The following SLIT3 variants were observed in gnomAD, a reference collection of about 807,000 sequenced individuals.
The protein encoded by SLIT3 is slit guidance ligand 3.
SLIT3 carries 68 observed loss-of-function variants against 184.0 expected under a neutral mutation model. The observed-to-expected ratio is 0.37, with a 90% CI of 0.30 to 0.45. The LOEUF (loss-of-function observed/expected upper bound fraction) is 0.45. Among genes scored for constraint, SLIT3 ranks in the 20% least tolerant of loss-of-function variants. The probability of loss-of-function intolerance (pLI) is 1.00; values close to 1 mark genes in which losing one functional copy is unlikely to be tolerated. For synonymous variants in SLIT3, 831 were observed against 828.6 expected (o/e 1.00, Z -0.05); for missense variants, 1,707 against 2,026.0 (o/e 0.84, Z 3.02).
chr5:168,783,684 C>A (rs376443987), intron 12 of SLIT3, among the ~76,000 whole-genome samples: 13 of 152,152 alleles, frequency 8.5e-5, no homozygotes, highest in African/African-American at 2.9e-4. Flanking sequence ...TCAGTGTCTC[C>A]AGTCTAACAG....
At chr5:169,003,904 G>A (rs1424327066) in intron 4 of SLIT3, among the ~76,000 whole-genome samples, 1 of 152,100 alleles carries the variant, frequency 6.6e-6, no homozygotes, top group Non-Finnish European at 1.5e-5. Context: ...GGGGATGTGG[G>A]GATTTATCAG....
chr5:169,214,798 A>G (rs1764383306), intron 3 of SLIT3, among the ~76,000 whole-genome samples: 1 of 152,178 alleles, frequency 6.6e-6, no homozygotes, highest in South Asian at 2.1e-4. Context: ...ATCTCAGAGA[A>G]TAGCTCTGAG....
At chr5:169,015,980 AC>A (rs1756359218) in intron 4 of SLIT3, among the ~76,000 whole-genome samples, 1 of 91,988 alleles carries the variant, frequency 1.1e-5, no homozygotes, top group Admixed American at 1.3e-4. Context: ...ACACACACAC[AC>A]ACACAACTTT....
rs553185695 is a variant in SLIT3, at chr5:169,161,240, G to A, written c.413+32239C>T. ...GCAGGGTCCCAGGGGATTTGTGGTC[G>A]GCCGCTAATTCAGAGCCCTGGCCAT... On this transcript the variant is annotated intron_variant, in intron 4 of 35. Transcript: ENST00000519560. Among the ~76,000 whole-genome samples the A allele has an allele frequency of 2.9e-3, 436 of 152,270 alleles. 1 individual carries two copies. Among genetic ancestry groups the A allele is most frequent in the African/African-American group, 9.9e-3 (411 of 41,552 alleles).
intron 4 of SLIT3, among the ~76,000 whole-genome samples, chr5:169,050,853 C>T (rs1456746194): frequency 6.6e-6 from 1 of 152,208 alleles, no homozygotes; most frequent in Non-Finnish European, 1.5e-5. Context: ...GTACCTGGCA[C>T]ACAATAGGCA....
At chr5:169,056,026 G>A (rs1757990692) in intron 4 of SLIT3, among the ~76,000 whole-genome samples, 1 of 152,144 alleles carries the variant, frequency 6.6e-6, no homozygotes, top group Non-Finnish European at 1.5e-5. Context: ...ACCCTGGCTT[G>A]TCCTTGAATA....
chr5:169,158,255 A>G (rs1364691908), intron 4 of SLIT3, among the ~76,000 whole-genome samples: 3 of 152,204 alleles, frequency 2.0e-5, no homozygotes, highest in Non-Finnish European at 4.4e-5. Flanking sequence ...CCTACAGGGG[A>G]AAAAGAATTC....
intron 4 of SLIT3, among the ~76,000 whole-genome samples, chr5:169,162,471 C>T (rs1196775413): frequency 1.3e-5 from 2 of 152,210 alleles, no homozygotes; most frequent in African/African-American, 4.8e-5. Flanking sequence ...AACACACAGT[C>T]ATGCAGGTCT....
At chr5:168,871,143 G>C (rs533504042) in intron 5 of SLIT3, among the ~76,000 whole-genome samples, 1 of 152,150 alleles carries the variant, frequency 6.6e-6, no homozygotes, top group Non-Finnish European at 1.5e-5. Flanking sequence ...TTCCAGGATC[G>C]GGGTTGTCCT....
chr5:169,179,662 G>C (rs1763093028), intron 4 of SLIT3, among the ~76,000 whole-genome samples: 1 of 151,552 alleles, frequency 6.6e-6, no homozygotes, highest in Admixed American at 6.6e-5. Context: ...TCATTTGTGT[G>C]TGCTTGTGTG....
At chr5:168,711,584 A>G (rs558172604) in intron 24 of SLIT3, among the ~76,000 whole-genome samples, 2 of 152,272 alleles carry the variant, frequency 1.3e-5, no homozygotes, top group East Asian at 1.9e-4. Flanking sequence ...TAGAATATGC[A>G]TACGTAGTAT....
intron 27 of SLIT3, among the ~76,000 whole-genome samples, chr5:168,699,265 G>A (rs371016918): frequency 6.0e-4 from 92 of 152,346 alleles, no homozygotes; most frequent in African/African-American, 2.0e-3. Context: ...GAAGAGAACC[G>A]GGAGCCTGGA....
In SLIT3 at chr5:169,078,590, T is replaced by TCCC. The variant is rs568732646; in HGVS notation, c.413+114886_413+114888dup. Among the ~76,000 whole-genome samples, 410 of 152,308 alleles carry TCCC rather than the reference T, an allele frequency of 2.7e-3. 2 individuals are homozygous for TCCC. Among genetic ancestry groups the TCCC allele is most frequent in the African/African-American group, 9.6e-3 (399 of 41,562 alleles). ...GTTTTCCTTGTTACTCTCCAGCTTC[T>TCCC]CCCTCCTATCACCTTCCTTTCTTTA... is the stretch of plus-strand genomic sequence containing the variant. On this transcript the variant is annotated intron_variant, in intron 4 of 35. Coordinates refer to ENST00000519560, the MANE Select transcript of SLIT3 (RefSeq NM_003062.4).
chr5:169,104,984 A>T (rs1423223798), intron 4 of SLIT3, among the ~76,000 whole-genome samples: 1 of 152,160 alleles, frequency 6.6e-6, no homozygotes, highest in Non-Finnish European at 1.5e-5. Flanking sequence ...GTCTCAGAAA[A>T]GCCTCAAGTA....
At chr5:169,102,655 G>C (rs1760063174) in intron 4 of SLIT3, among the ~76,000 whole-genome samples, 1 of 152,160 alleles carries the variant, frequency 6.6e-6, no homozygotes, top group Non-Finnish European at 1.5e-5. Flanking sequence ...GAGGACAAGT[G>C]TGTGTGTGTT....
intron 1 of SLIT3, among the ~76,000 whole-genome samples, chr5:169,272,241 G>C (rs1281529978): frequency 6.6e-6 from 1 of 152,220 alleles, no homozygotes; most frequent in East Asian, 1.9e-4. Flanking sequence ...CCTCCACCCT[G>C]ACCCACAATC....
rs573420904 is a variant in SLIT3 at position 169,148,351 on chromosome 5, G to A, written c.413+45128C>T. Among the ~76,000 whole-genome samples, 8 of 152,280 alleles carry A rather than the reference G, an allele frequency of 5.3e-5. No individual in the cohort carries two copies. In the South Asian group the frequency reaches 6.2e-4, roughly 12 times the overall value. ...TGCTCAGAGCTCTTTTTAAAAGGCC[G>A]AAGAGGAAATAAAAATGAATGATGA... On this transcript the variant is annotated intron_variant, in intron 4 of 35. Transcript: ENST00000519560.
rs540798702 is a variant in SLIT3, at chr5:168,844,210, C to T, written c.557+374G>A. Among the ~76,000 whole-genome samples the T allele has an allele frequency of 2.1e-3, 327 of 152,264 alleles. 2 individuals carry two copies. The highest frequency in any genetic ancestry group is 3.3e-3 in the South Asian group (16 of 4,828). ...CCCGGCCCCTGTCTCCCAGTGTGCC[C>T]GCACTCAAACACACTGTCCCTGATG... On this transcript the variant is annotated intron_variant, in intron 6 of 35. Transcript: ENST00000519560.
chr5:169,193,470 T>A lies in SLIT3; in HGVS notation c.413+9A>T. 2 of 1,612,604 alleles carry A rather than the reference T, an allele frequency of 1.2e-6. No individual in the cohort carries two copies. The highest frequency in any genetic ancestry group is 2.2e-5 in the South Asian group (2 of 91,046). Reference sequence around the variant, plus strand: ...CACAAGGTAGAGAACACAAGGCAACTCTACTCACAGTCTGGTGAGCTTCGG... The same window carrying A: ...CACAAGGTAGAGAACACAAGGCAACACTACTCACAGTCTGGTGAGCTTCGG... On this transcript the variant is annotated intron_variant, in intron 4 of 35. Coordinates refer to ENST00000519560, the MANE Select transcript of SLIT3 (RefSeq NM_003062.4).
Sources: gnomAD v4.1 joint callset for allele counts (sites outside exome capture counted in the v4.1 genomes callset) on GRCh38, gnomAD v4.1.1 for gene constraint, MANE v1.5 for transcripts, NCBI Gene and HGNC (gene_info 2026-07-23, HGNC 2026-07-21) for gene names.